Variants in EPB41L5 observed in about 807,000 individuals in gnomAD.
EPB41L5 encodes band 4.1-like protein 5.
Under a neutral mutation model 106.6 loss-of-function variants are expected in EPB41L5, and 55 were observed. The ratio of observed to expected loss-of-function variants is 0.52; its 90% CI spans 0.42 to 0.65. The LOEUF is 0.65. Ranked by LOEUF, EPB41L5 falls within the 30% of genes least tolerant of loss-of-function variation. The probability of loss-of-function intolerance (pLI) is 0.00; values close to 1 mark genes in which losing one functional copy is unlikely to be tolerated. For synonymous variants in EPB41L5, 297 were observed against 306.7 expected (o/e 0.97, Z 0.33); for missense variants, 871 against 882.1 (o/e 0.99, Z 0.16).
At chr2:120,059,878 C>T (rs1680912911) in intron 3 of EPB41L5, among the ~76,000 whole-genome samples, 3 of 152,136 alleles carry the variant, frequency 2.0e-5, no homozygotes, top group Non-Finnish European at 2.9e-5. Context: ...GAAACCGTGT[C>T]TCAACCAAAA....
intron 3 of EPB41L5, among the ~76,000 whole-genome samples, chr2:120,072,199 G>C (rs578174842): frequency 2.0e-5 from 3 of 152,230 alleles, no homozygotes; most frequent in African/African-American, 7.2e-5. Context: ...ATCATCACTG[G>C]TTATTAGAGA....
intron 10 of EPB41L5, among the ~76,000 whole-genome samples, chr2:120,082,531 C>G (rs190001703): frequency 6.6e-6 from 1 of 152,250 alleles, no homozygotes; most frequent in African/African-American, 2.4e-5. Context: ...AGGATTTTTG[C>G]ATCGATGTTC....
At chr2:120,038,414 T>G (rs980301876) in intron 2 of EPB41L5, among the ~76,000 whole-genome samples, 1 of 152,236 alleles carries the variant, frequency 6.6e-6, no homozygotes, top group Non-Finnish European at 1.5e-5. Context: ...GGAATTGTTA[T>G]ACACTTTCAG....
At chr2:120,016,023 C>T (rs1677499034) in intron 1 of EPB41L5, among the ~76,000 whole-genome samples, 1 of 151,886 alleles carries the variant, frequency 6.6e-6, no homozygotes, top group Non-Finnish European at 1.5e-5. Flanking sequence ...TTTCTTAAAT[C>T]AGTTATGCTC....
chr2:120,165,001 C>G (rs1240378577), intron 22 of EPB41L5, 91 bp downstream of exon 22: 2 of 929,978 alleles, frequency 2.2e-6, no homozygotes, highest in Non-Finnish European at 3.3e-6. Context: ...TTTAATAATT[C>G]AGTTAAACTT....
At chr2:120,095,023 T>A (rs1683651268) in intron 14 of EPB41L5, among the ~76,000 whole-genome samples, 1 of 152,210 alleles carries the variant, frequency 6.6e-6, no homozygotes, top group Non-Finnish European at 1.5e-5. Flanking sequence ...TTTTGCTGTT[T>A]CTGAGTGGAG....
At chr2:120,168,776 GCAAA>G (rs748781877) in intron 24 of EPB41L5, among the ~76,000 whole-genome samples, 5 of 152,166 alleles carry the variant, frequency 3.3e-5, no homozygotes, top group African/African-American at 1.2e-4. Flanking sequence ...ATATTACTCA[GCAAA>G]CAAACACTTA....
chr2:120,055,485 T>TC (rs1261188524), intron 3 of EPB41L5, among the ~76,000 whole-genome samples: 5 of 135,282 alleles, frequency 3.7e-5, no homozygotes, highest in African/African-American at 1.5e-4. Flanking sequence ...TTTTTAATTT[T>TC]TTTTTTTTTT....
chr2:120,104,380 A>G (rs1440696062), intron 16 of EPB41L5: 13 of 1,393,564 alleles, frequency 9.3e-6, no homozygotes, highest in Non-Finnish European at 1.2e-5. Context: ...TGCTGTTTGT[A>G]ATTGAATTCT....
At chr2:120,143,221 C>T in intron 19 of EPB41L5, 90 bp downstream of exon 19, 2 of 1,330,336 alleles carry the variant, frequency 1.5e-6, no homozygotes, top group Non-Finnish European at 2.0e-6. Flanking sequence ...TCTAATCAAG[C>T]TAGATTAATG....
At chr2:120,163,841 A>G (rs1045450396) in intron 21 of EPB41L5, among the ~76,000 whole-genome samples, 1 of 151,838 alleles carries the variant, frequency 6.6e-6, no homozygotes, top group Admixed American at 6.6e-5. Context: ...AGTCCCAGCT[A>G]CTTGGGAGGC....
Position 120,031,154 on chromosome 2 carries a change from C to T in EPB41L5, c.181-10852C>T, listed in dbSNP as rs542673983. Among the ~76,000 whole-genome samples, 3 of 152,332 alleles carry T rather than the reference C, an allele frequency of 2.0e-5. No homozygotes were observed. In the East Asian group the frequency reaches 5.8e-4, roughly 29 times the overall value. On this transcript the variant is annotated intron_variant, in intron 2 of 24. Transcript: ENST00000263713. ...AAAGTGCTGGGATTAAAGGCATGAG[C>T]CACCACGCCCAGCCCCAGCCTCCAA...
At chr2:120,137,057 A>G (rs918631259) in intron 18 of EPB41L5, among the ~76,000 whole-genome samples, 1 of 152,138 alleles carries the variant, frequency 6.6e-6, no homozygotes, top group South Asian at 2.1e-4. Context: ...CTAGAAATCA[A>G]TAACAAGAGA....
intron 24 of EPB41L5, among the ~76,000 whole-genome samples, chr2:120,169,375 A>C (rs1687564793): frequency 6.6e-6 from 1 of 152,246 alleles, no homozygotes; most frequent in Admixed American, 6.5e-5. Context: ...ATGAAACATC[A>C]GATAATAAAC....
intron 18 of EPB41L5, among the ~76,000 whole-genome samples, chr2:120,137,958 A>C (rs1050237847): frequency 1.3e-5 from 2 of 152,096 alleles, no homozygotes; most frequent in Admixed American, 1.3e-4. Context: ...TCTTCAATAA[A>C]ATACTAGCAA....
chr2:120,095,588 C>G (rs995840861), intron 14 of EPB41L5, among the ~76,000 whole-genome samples: 31 of 151,598 alleles, frequency 2.0e-4, no homozygotes, highest in African/African-American at 6.8e-4. Flanking sequence ...GTTTGTTTCA[C>G]TGGCGAGAGT....
intron 16 of EPB41L5, among the ~76,000 whole-genome samples, chr2:120,122,127 C>T (rs1387518867): frequency 6.6e-6 from 1 of 152,146 alleles, no homozygotes; most frequent in Non-Finnish European, 1.5e-5. Context: ...CTGTAGGTTG[C>T]CTGTTCACTC....
intron 19 of EPB41L5, 125 bp from the exon 20 acceptor site, chr2:120,146,100 T>C (rs1280671772): frequency 1.6e-6 from 1 of 626,758 alleles, no homozygotes; most frequent in Non-Finnish European, 2.9e-6. Flanking sequence ...AGATAAGGTA[T>C]GATTACCTCT....
At chr2:120,042,551 A>G (rs961915882) in intron 3 of EPB41L5, among the ~76,000 whole-genome samples, 3 of 152,216 alleles carry the variant, frequency 2.0e-5, no homozygotes, top group Non-Finnish European at 4.4e-5. Flanking sequence ...TTCTGTATCT[A>G]TAAATAGTGG....
Sources: gnomAD v4.1 joint callset for allele counts (sites outside exome capture counted in the v4.1 genomes callset) on GRCh38, gnomAD v4.1.1 for gene constraint, MANE v1.5 for transcripts, NCBI Gene and HGNC (gene_info 2026-07-23, HGNC 2026-07-21) for gene names.